DOCK3: variants seen among roughly 807,000 people sequenced by gnomAD.
DOCK3 encodes the protein dedicator of cytokinesis 3, also known as dedicator of cytokinesis protein 3.
Under a neutral mutation model 265.6 loss-of-function variants are expected in DOCK3, and 60 were observed. That is an observed-to-expected ratio of 0.23 (90% CI 0.18 to 0.28). DOCK3 has a LOEUF of 0.28. Among genes scored for constraint, DOCK3 ranks in the 10% least tolerant of loss-of-function variants. The pLI is 1.00. For synonymous variants in DOCK3, 881 were observed against 938.0 expected, an observed-to-expected ratio of 0.94 and a Z score of 1.11; for missense variants, 1,981 against 2,594.3, an observed-to-expected ratio of 0.76 and a Z score of 5.14.
At position 51,037,112 on chromosome 3, in the gene DOCK3, A is replaced by AT. The variant is rs967688775; in HGVS notation, c.316-27328dup. Among the ~76,000 whole-genome samples the AT allele has an allele frequency of 4.6e-5, 7 of 151,954 alleles. No homozygotes were observed. The South Asian group carries it at 8.3e-4, about 18-fold the overall frequency. ...TTTGATCACCTTTAAGACTTGGGGA[A>AT]TTTTTTTTCCTTTTAAATGATAAAA... On this transcript the variant is annotated intron_variant, in intron 5 of 52. Transcript: ENST00000266037.
intron 1 of DOCK3, among the ~76,000 whole-genome samples, chr3:50,760,850 C>T (rs891069839): frequency 6.0e-5 from 9 of 151,010 alleles, no homozygotes; most frequent in African/African-American, 2.2e-4. Flanking sequence ...GGCGTGATCT[C>T]GGCTCACTGC....
At chr3:50,768,499 G>A (rs2041055901) in intron 1 of DOCK3, among the ~76,000 whole-genome samples, 1 of 152,194 alleles carries the variant, frequency 6.6e-6, no homozygotes, top group South Asian at 2.1e-4. Flanking sequence ...TCATCCCTGG[G>A]GTGCAAGGCT....
At chr3:51,054,735 A>G (rs2109158933) in intron 5 of DOCK3, among the ~76,000 whole-genome samples, 1 of 152,178 alleles carries the variant, frequency 6.6e-6, no homozygotes, top group African/African-American at 2.4e-5. Context: ...CTGTTTTTTA[A>G]TATTAAATTA....
chr3:51,339,131 A>C, intron 37 of DOCK3, 103 bp downstream of exon 37: 49 of 992,384 alleles, frequency 4.9e-5, no homozygotes, highest in Middle Eastern at 2.1e-4. Flanking sequence ...GCCAGATCTC[A>C]GCAGAATGTT....
intron 12 of DOCK3, among the ~76,000 whole-genome samples, chr3:51,200,715 A>G (rs2088687503): frequency 1.3e-5 from 2 of 151,886 alleles, no homozygotes; most frequent in Non-Finnish European, 2.9e-5. Flanking sequence ...TCCAAGACAC[A>G]TAATTGTCAG....
At chr3:50,928,153 A>ATATG (rs1411568577) in intron 4 of DOCK3, among the ~76,000 whole-genome samples, 1 of 137,714 alleles carries the variant, frequency 7.3e-6, no homozygotes, top group Non-Finnish European at 1.6e-5. Context: ...ATATATATAT[A>ATATG]TAATAAAGTT....
rs1302203796 is a variant in DOCK3 at position 51,310,263 on chromosome 3, G to A, written c.2954G>A (p.Arg985Gln). The change falls in exon 28 of 53, where the codon CGG becomes CAG. Residue 985 changes from arginine (R) to glutamine (Q), a missense_variant. Around this residue, in one of 4 missense-constraint regions of DOCK3, gnomAD observed 1,357 missense variants for 1,866.8 expected, o/e 0.73. Transcript: ENST00000266037. ...EFLLKIFCVF[R>Q]NLMKMSVFPR... ...CTGCTGAAGATTTTTTGCGTGTTCC[G>A]GAACCTGATGAAGATGAGTGTCTTC... is the stretch of plus-strand genomic sequence containing the variant. The A allele has an allele frequency of 8.7e-6, 14 of 1,605,376 alleles. No individual in the cohort carries two copies. Among genetic ancestry groups the A allele is most frequent in the South Asian group, 2.3e-5 (2 of 88,860 alleles).
intron 12 of DOCK3, among the ~76,000 whole-genome samples, chr3:51,175,937 G>A (rs1487049254): frequency 6.6e-6 from 1 of 152,092 alleles, no homozygotes; most frequent in African/African-American, 2.4e-5. Context: ...ATCAAACAGT[G>A]TTCAGACATG....
At chr3:51,061,895 T>C (rs2081423860) in intron 5 of DOCK3, among the ~76,000 whole-genome samples, 1 of 152,106 alleles carries the variant, frequency 6.6e-6, no homozygotes, top group Admixed American at 6.5e-5. Context: ...AAATTAAACT[T>C]AGTTTCCTTC....
chr3:50,934,972 C>T (rs2051274086), intron 5 of DOCK3, among the ~76,000 whole-genome samples: 1 of 152,074 alleles, frequency 6.6e-6, no homozygotes, highest in Admixed American at 6.5e-5. Context: ...CTCTGAAAGT[C>T]AGAAAAAAGA....
chr3:50,982,437 TG>T (rs1458796168), intron 5 of DOCK3, among the ~76,000 whole-genome samples: 2 of 151,882 alleles, frequency 1.3e-5, no homozygotes, highest in Non-Finnish European at 2.9e-5. Flanking sequence ...CTGGCTGCAG[TG>T]GGGAGGTGCA....
chr3:50,865,559 A>G lies in DOCK3; in HGVS notation c.162+23844A>G, dbSNP rs112192965. 4.6e-5 allele frequency among the ~76,000 whole-genome samples: 7 copies of G among 152,344 alleles called. 2 individuals are homozygous for G. The highest frequency in any genetic ancestry group is 1.7e-4 in the African/African-American group (7 of 41,572). ...TCTTTATCCATTTGTCTGTTGATAG[A>G]TGCTTAGATTACTTCCAAATCTTGG... On this transcript the variant is annotated intron_variant, in intron 3 of 52. Transcript: ENST00000266037.
chr3:50,899,312 C>G (rs996599894), intron 4 of DOCK3, among the ~76,000 whole-genome samples: 2 of 151,382 alleles, frequency 1.3e-5, no homozygotes, highest in African/African-American at 2.4e-5. Context: ...CTGTTTTTTT[C>G]ACTTTCCATT....
chr3:50,849,628 TAAAC>T (rs2046265690), intron 3 of DOCK3, among the ~76,000 whole-genome samples: 3 of 152,086 alleles, frequency 2.0e-5, no homozygotes, highest in South Asian at 4.1e-4. Flanking sequence ...ATACAGTAAT[TAAAC>T]AGGCACAGGA....
intron 23 of DOCK3, among the ~76,000 whole-genome samples, chr3:51,264,998 C>CA (rs1178357595): frequency 6.6e-6 from 1 of 151,782 alleles, no homozygotes; most frequent in Non-Finnish European, 1.5e-5. Flanking sequence ...ATAGACACAA[C>CA]AAAAAATGTG....
intron 5 of DOCK3, among the ~76,000 whole-genome samples, chr3:51,027,461 G>A (rs2079869565): frequency 6.6e-6 from 1 of 151,920 alleles, no homozygotes; most frequent in African/African-American, 2.4e-5. Context: ...ATGTCTATTG[G>A]TTAAGTATCC....
At chr3:50,992,140 A>G (rs1244044473) in intron 5 of DOCK3, among the ~76,000 whole-genome samples, 1 of 152,250 alleles carries the variant, frequency 6.6e-6, no homozygotes, top group African/African-American at 2.4e-5. Flanking sequence ...TCAAAAAGTT[A>G]GAAAGATCCC....
intron 5 of DOCK3, among the ~76,000 whole-genome samples, chr3:51,056,697 G>T (rs1387206768): frequency 2.0e-5 from 3 of 152,134 alleles, no homozygotes; most frequent in Non-Finnish European, 4.4e-5. Flanking sequence ...TTGAAGATTA[G>T]TAGTAATGAA....
At chr3:51,022,997 A>C (rs9311462) in intron 5 of DOCK3, among the ~76,000 whole-genome samples, 8,707 of 152,212 alleles carry the variant, frequency 0.057, 887 homozygotes, top group African/African-American at 0.2. Context: ...TGTAGGTGTT[A>C]ACTTTAGATA....
Sources: allele counts gnomAD v4.1 joint callset (sites outside exome capture counted in the v4.1 genomes callset), GRCh38; gene constraint gnomAD v4.1.1; regional missense constraint gnomAD v4.1.1; transcripts MANE v1.5; gene names NCBI Gene and HGNC (gene_info 2026-07-23, HGNC 2026-07-21).